The following PCED1A variants were observed in gnomAD, a reference collection of about 807,000 sequenced individuals.
The protein encoded by PCED1A is PC-esterase domain-containing protein 1A.
PCED1A carries 20 observed loss-of-function variants against 41.9 expected under a neutral mutation model. The ratio of observed to expected loss-of-function variants is 0.48; its 90% CI spans 0.34 to 0.69. The LOEUF (loss-of-function observed/expected upper bound fraction) is 0.69, where lower values mean the gene tolerates loss of function less well. Among genes scored for constraint, PCED1A ranks in the 30% least tolerant of loss-of-function variants. PCED1A has a pLI of 0.01. For missense variants in PCED1A, 498 were observed against 602.1 expected, an observed-to-expected ratio of 0.83 and a Z score of 1.81; for synonymous variants, 236 against 241.3, an observed-to-expected ratio of 0.98 and a Z score of 0.20.
upstream of PCED1A, chr20:2,840,957 T>C (rs1240909438): frequency 3.4e-6 from 3 of 883,100 alleles, no homozygotes; most frequent in African/African-American, 5.3e-5. Flanking sequence ...TCCCCGAGCG[T>C]CTGCCACTTA....
At position 2,838,209 on chromosome 20, in the gene PCED1A, C is replaced by A. The variant is rs778914048; in HGVS notation, c.841+23G>T. ...CTGAGGGCCCCAGTGCATCACTACCCCCCCACTTATGGTAGGGCTCACCAG... is the reference window on the plus strand; with the variant it reads ...CTGAGGGCCCCAGTGCATCACTACCACCCCACTTATGGTAGGGCTCACCAG... On this transcript the variant is annotated intron_variant, in intron 6 of 7. Transcript: ENST00000360652. The surrounding 1 kb of genome is among the most constrained non-coding windows in gnomAD (Gnocchi z 5.8). 1.2e-6 allele frequency: 2 copies of A among 1,613,548 alleles called. No homozygotes were observed. The highest frequency in any genetic ancestry group is 2.2e-5 in the East Asian group (1 of 44,888).
At chr20:2,839,982 G>A (rs1031296211) in intron 1 of PCED1A, 49 bp from the exon 2 acceptor site, 94 of 1,541,574 alleles carry the variant, frequency 6.1e-5, no homozygotes, top group Non-Finnish European at 7.4e-5. Context: ...CTCTGGGCAG[G>A]TCAGCCTCAG....
At position 2,839,085 on chromosome 20, in the gene PCED1A, A is replaced by ATGGCCCC; in HGVS notation, c.205-4_205-3insGGGGCCA. The ATGGCCCC allele has an allele frequency of 6.1e-6, 3 of 491,482 alleles. No individual in the cohort carries two copies. The highest frequency in any genetic ancestry group is 7.0e-6 in the Non-Finnish European group (2 of 287,670). 30.4% of individuals were successfully genotyped at this position (491,482 alleles called of 1,614,324 possible). ...TCCTGTTCAAAGCTCAGCTCCCCCT[A>ATGGCCCC]CCCACCCCCCCCACCCTACTGGTCA... On this transcript the variant is annotated splice_region_variant and splice_polypyrimidine_tract_variant and intron_variant, in intron 3 of 7. Coordinates refer to ENST00000360652, the MANE Select transcript of PCED1A (RefSeq NM_022760.6).
At chr20:2,840,835 G>GGGGC, upstream of PCED1A, 41 of 1,522,190 alleles carry the variant, frequency 2.7e-5, no homozygotes, top group Non-Finnish European at 3.5e-5. Context: ...CCGGTGAGCT[G>GGGGC]CCCCGCCCTC....
chr20:2,839,746 C>G, intron 2 of PCED1A, 43 bp downstream of exon 2: 11 of 1,607,004 alleles, frequency 6.8e-6, no homozygotes, highest in Non-Finnish European at 9.4e-6. Flanking sequence ...GAACGGGCTG[C>G]AAGGTGTGGG....
In PCED1A at chr20:2,839,265, C is replaced by G; in HGVS notation, c.131G>C (p.Arg44Thr). The G allele has an allele frequency of 6.2e-7, 1 of 1,613,854 alleles. No homozygotes were observed. The highest frequency in any genetic ancestry group is 8.5e-7 in the Non-Finnish European group (1 of 1,180,004). The part of the protein sequence containing the change: ...FVVILGDSIQ[R>T]AVYKDLVLLL... ...GAGCACCAGGTCCTTGTACACAGCC[C>G]TCTGAACTGGGAGGAGACAGAGATC... Residue 44 changes from arginine to threonine, a missense_variant, in exon 3 of 8, where the codon AGG becomes ACG. Around this residue, in one of 2 missense-constraint regions of PCED1A, gnomAD observed 253 missense variants for 369.7 expected, o/e 0.68. Transcript: ENST00000360652.
At position 2,840,254 on chromosome 20, in the gene PCED1A, C is replaced by T; in HGVS notation, c.-65G>A. On this transcript the variant is annotated 5_prime_UTR_variant, in exon 1 of 8. Coordinates refer to ENST00000360652, the MANE Select transcript of PCED1A (RefSeq NM_022760.6). ...GGTGTTCACCCGCGACCCGGGTATG[C>T]CTGCGCACCGCGCGCCTGGCCCGCA... is the stretch of plus-strand genomic sequence containing the variant. 1 of 262,784 alleles carries T rather than the reference C, an allele frequency of 3.8e-6. No individual in the cohort carries two copies. Among genetic ancestry groups the T allele is most frequent in the Non-Finnish European group, 7.2e-6 (1 of 139,370 alleles). 16.3% of individuals were successfully genotyped at this position (262,784 alleles called of 1,614,324 possible).
intron 6 of PCED1A, among the ~76,000 whole-genome samples, chr20:2,837,883 C>T (rs113113192): frequency 6.6e-6 from 1 of 152,198 alleles, no homozygotes; most frequent in East Asian, 1.9e-4. Context: ...CTGGATGGCC[C>T]TTCCTCCCTG....
At position 2,840,266 on chromosome 20, in the gene PCED1A, G is replaced by C. The variant is rs1358828894; in HGVS notation, c.-77C>G. ...CGACCCGGGTATGCCTGCGCACCGCGCGCCTGGCCCGCAGCGGGCTCCTAG... is the reference window on the plus strand; with the variant it reads ...CGACCCGGGTATGCCTGCGCACCGCCCGCCTGGCCCGCAGCGGGCTCCTAG... On this transcript the variant is annotated 5_prime_UTR_variant, in exon 1 of 8. Transcript: ENST00000360652. The C allele has an allele frequency of 4.1e-6, 1 of 243,598 alleles. No homozygotes were observed. The highest frequency in any genetic ancestry group is 2.3e-5 in the African/African-American group (1 of 43,688). 15.1% of individuals were successfully genotyped at this position (243,598 alleles called of 1,614,324 possible).
intron 6 of PCED1A, 104 bp from the exon 7 acceptor site, chr20:2,836,418 G>A: frequency 3.8e-6 from 4 of 1,041,828 alleles, no homozygotes; most frequent in South Asian, 1.3e-5. Flanking sequence ...GGAGAGCAGA[G>A]CCACCAGGCT....
intron 2 of PCED1A, 91 bp downstream of exon 2, chr20:2,839,698 A>T: frequency 6.5e-7 from 1 of 1,543,280 alleles, no homozygotes; most frequent in Non-Finnish European, 8.8e-7. Flanking sequence ...GAAGACAGAC[A>T]AGAGATGTGA....
At chr20:2,840,894 G>A (rs2088961761), upstream of PCED1A, 6 of 1,233,162 alleles carry the variant, frequency 4.9e-6, no homozygotes, top group Non-Finnish European at 6.4e-6. Flanking sequence ...GGAGTCTCCC[G>A]GCGGCGTTCG....
intron 6 of PCED1A, among the ~76,000 whole-genome samples, chr20:2,836,561 G>T (rs1044734003): frequency 6.6e-6 from 1 of 152,040 alleles, no homozygotes; most frequent in Non-Finnish European, 1.5e-5. Context: ...AGCCTTCTTT[G>T]TTTGCCCAGG....
intron 3 of PCED1A, 54 bp from the exon 4 acceptor site, chr20:2,839,136 G>A: frequency 6.7e-7 from 1 of 1,500,914 alleles, no homozygotes; most frequent in Non-Finnish European, 8.9e-7. Context: ...GGAGAACCCT[G>A]CCAGGCCAGG....
intron 2 of PCED1A, 143 bp downstream of exon 2, chr20:2,839,646 G>A: frequency 8.2e-7 from 1 of 1,218,116 alleles, no homozygotes. Context: ...TGGAAGATGT[G>A]TGGGACATAA....
chr20:2,836,322 TG>T lies in PCED1A; in HGVS notation c.842-9del, dbSNP rs2088835323. Reference sequence around the variant, plus strand: ...AGTCCTCAATCCACGGGTCTAGGAATGGGATGGTTGTTTTAGGTAGGCTTGG... The same window carrying T: ...AGTCCTCAATCCACGGGTCTAGGAATGGATGGTTGTTTTAGGTAGGCTTGG... On this transcript the variant is annotated splice_polypyrimidine_tract_variant and intron_variant, in intron 6 of 7. Transcript: ENST00000360652. 6.2e-7 allele frequency: 1 copy of T among 1,612,976 alleles called. No homozygotes were observed. The highest frequency in any genetic ancestry group is 8.5e-7 in the Non-Finnish European group (1 of 1,179,204).
chr20:2,836,831 C>T (rs1330227193), intron 6 of PCED1A, among the ~76,000 whole-genome samples: 2 of 152,180 alleles, frequency 1.3e-5, no homozygotes, highest in Non-Finnish European at 2.9e-5. Context: ...TGTGACACTG[C>T]CAGCAGCCTC....
upstream of PCED1A, chr20:2,840,758 T>A (rs1408049585): frequency 6.5e-7 from 1 of 1,547,970 alleles, no homozygotes; most frequent in Admixed American, 2.0e-5. Context: ...GCTTCCCAGC[T>A]GCCGTCTGCA....
At chr20:2,839,955 C>A (rs1260057463) in intron 1 of PCED1A, 22 bp from the exon 2 acceptor site, 26 of 1,590,870 alleles carry the variant, frequency 1.6e-5, no homozygotes, top group Non-Finnish European at 2.1e-5. Context: ...GGCCACTAAG[C>A]AGCGCGATGG....
Sources: allele counts gnomAD v4.1 joint callset (sites outside exome capture counted in the v4.1 genomes callset), GRCh38; gene constraint gnomAD v4.1.1; regional missense constraint gnomAD v4.1.1; non-coding constraint Gnocchi (gnomAD v3.1); transcripts MANE v1.5; gene names NCBI Gene and HGNC (gene_info 2026-07-23, HGNC 2026-07-21).